The following ANKRD13C variants were observed in gnomAD, a reference collection of about 807,000 sequenced individuals.
ANKRD13C encodes ankyrin repeat domain-containing protein 13C.
ANKRD13C carries 16 observed loss-of-function variants against 65.5 expected under a neutral mutation model. The ratio of observed to expected loss-of-function variants is 0.24; its 90% CI spans 0.17 to 0.37. ANKRD13C has a LOEUF of 0.37. Ranked by LOEUF, ANKRD13C falls within the 10% of genes least tolerant of loss-of-function variation. The probability of loss-of-function intolerance (pLI) is 1.00; values close to 1 mark genes in which losing one functional copy is unlikely to be tolerated. For synonymous variants in ANKRD13C, 235 were observed against 238.7 expected, an observed-to-expected ratio of 0.98 and a Z score of 0.14; for missense variants, 503 against 655.9, an observed-to-expected ratio of 0.77 and a Z score of 2.55.
At chr1:70,287,635 G>A (rs270491) in intron 9 of ANKRD13C, among the ~76,000 whole-genome samples, 27,699 of 152,036 alleles carry the variant, frequency 0.18, 2,932 homozygotes, top group Non-Finnish European at 0.25. Context: ...ACTTTGAGAA[G>A]ATGAAAAGAC....
At chr1:70,294,669 C>A (rs1023954940) in intron 8 of ANKRD13C, among the ~76,000 whole-genome samples, 1 of 151,354 alleles carries the variant, frequency 6.6e-6, no homozygotes, top group Admixed American at 6.6e-5. Flanking sequence ...CACTCTGTCA[C>A]CTGGGCTAGA....
chr1:70,328,379 A>G (rs1681640499), intron 2 of ANKRD13C, among the ~76,000 whole-genome samples: 1 of 152,162 alleles, frequency 6.6e-6, no homozygotes, highest in African/African-American at 2.4e-5. Context: ...AGGAATGAGT[A>G]AGCCTAGGTG....
At chr1:70,271,006 T>A (rs754434817) in intron 11 of ANKRD13C, 50 bp from the exon 12 acceptor site, 2 of 1,197,872 alleles carry the variant, frequency 1.7e-6, no homozygotes, top group Non-Finnish European at 2.4e-6. Flanking sequence ...AATTGCCTTG[T>A]GTCCTTATGC....
intron 1 of ANKRD13C, among the ~76,000 whole-genome samples, chr1:70,346,084 G>A (rs769186329): frequency 5.9e-5 from 9 of 151,538 alleles, no homozygotes; most frequent in East Asian, 3.9e-4. Context: ...CTCCCATCTC[G>A]TCCTCCCAAA....
intron 7 of ANKRD13C, among the ~76,000 whole-genome samples, chr1:70,298,498 C>T (rs1321117590): frequency 6.6e-6 from 1 of 152,060 alleles, no homozygotes; most frequent in Non-Finnish European, 1.5e-5. Context: ...TGTATGTATA[C>T]ATACATACCT....
intron 2 of ANKRD13C, among the ~76,000 whole-genome samples, chr1:70,331,881 T>C (rs938703647): frequency 6.9e-6 from 1 of 145,362 alleles, no homozygotes; most frequent in African/African-American, 2.5e-5. Flanking sequence ...TACTTTCCAC[T>C]ACATATTCTA....
intron 12 of ANKRD13C, among the ~76,000 whole-genome samples, chr1:70,267,478 A>G (rs914357920): frequency 6.6e-6 from 1 of 152,004 alleles, no homozygotes; most frequent in African/African-American, 2.4e-5. Context: ...AGTTTAAGCA[A>G]TTCTCCCACC....
intron 5 of ANKRD13C, 63 bp from the exon 6 acceptor site, chr1:70,306,353 T>C: frequency 9.2e-7 from 1 of 1,084,752 alleles, no homozygotes; most frequent in Non-Finnish European, 1.3e-6. Context: ...TTACAAACTT[T>C]TAAATTAAAA....
chr1:70,274,968 GAT>G, intron 10 of ANKRD13C, 150 bp from the exon 11 acceptor site: 1 of 543,348 alleles, frequency 1.8e-6, no homozygotes, highest in Admixed American at 3.4e-5. Flanking sequence ...AAGGGAATAA[GAT>G]ATGTATAAGA....
intron 3 of ANKRD13C, among the ~76,000 whole-genome samples, chr1:70,318,062 G>C (rs1681145596): frequency 6.6e-6 from 1 of 152,124 alleles, no homozygotes; most frequent in Non-Finnish European, 1.5e-5. Context: ...CATATGCGAA[G>C]AGATTCCCTT....
At chr1:70,272,656 C>T (rs2101125893) in intron 11 of ANKRD13C, among the ~76,000 whole-genome samples, 1 of 151,478 alleles carries the variant, frequency 6.6e-6, no homozygotes, top group African/African-American at 2.4e-5. Context: ...TTAATATTAG[C>T]TGCAGTTTTC....
chr1:70,265,661 C>T (rs564842512), intron 12 of ANKRD13C, among the ~76,000 whole-genome samples: 55 of 150,948 alleles, frequency 3.6e-4, no homozygotes, highest in African/African-American at 1.3e-3. Context: ...CCCATCTGTA[C>T]GACAAATACA....
intron 6 of ANKRD13C, among the ~76,000 whole-genome samples, chr1:70,301,180 T>G (rs3795694): frequency 6.8e-6 from 1 of 146,700 alleles, no homozygotes; most frequent in African/African-American, 2.5e-5. Flanking sequence ...TACACACACA[T>G]ATATATATAT....
intron 10 of ANKRD13C, among the ~76,000 whole-genome samples, chr1:70,276,215 A>G (rs2101142149): frequency 6.6e-6 from 1 of 152,300 alleles, no homozygotes; most frequent in Non-Finnish European, 1.5e-5. Context: ...GTCAATAAAT[A>G]TAAACTGAGT....
At position 70,262,390 on chromosome 1, in the gene ANKRD13C, T is replaced by C. The variant is rs1572003738; in HGVS notation, c.*327A>G. 6.2e-6 allele frequency: 1 copy of C among 162,162 alleles called. No homozygotes were observed. The highest frequency in any genetic ancestry group is 1.4e-5 in the Non-Finnish European group (1 of 73,498). 10.0% of individuals were successfully genotyped at this position (162,162 alleles called of 1,614,324 possible). The stretch of plus-strand genomic sequence containing the variant: ...ATAGATATAGATATATTTATATGCA[T>C]ATATATTTCAACAAGAAGTGTAAAA... On this transcript the variant is annotated 3_prime_UTR_variant, in exon 13 of 13. Transcript: ENST00000370944.
chr1:70,290,073 A>G (rs1262483723), intron 9 of ANKRD13C, among the ~76,000 whole-genome samples: 3 of 152,222 alleles, frequency 2.0e-5, no homozygotes, highest in Non-Finnish European at 4.4e-5. Flanking sequence ...GCTTTATCCC[A>G]AAGTCAGAAG....
Position 70,262,831 on chromosome 1 carries a change from G to A in ANKRD13C, c.1512C>T (p.Pro504=), listed in dbSNP as rs545714875. The part of the protein sequence containing the change: ...FPVKLDIPVF[P]TITATVTFQE... ...GAAAAGTCACAGTGGCTGTGATTGT[G>A]GGAAACACAGGTATATCTACAGAGA... Residue 504 remains proline, a synonymous_variant, in exon 13 of 13, where the codon CCC becomes CCT. Coordinates refer to ENST00000370944, the MANE Select transcript of ANKRD13C (RefSeq NM_030816.5). 8 of 1,611,822 alleles carry A rather than the reference G, an allele frequency of 5.0e-6. No individual in the cohort carries two copies. In the East Asian group the frequency reaches 1.6e-4, roughly 32 times the overall value.
chr1:70,302,009 T>C (rs1399892001), intron 6 of ANKRD13C, among the ~76,000 whole-genome samples: 3 of 152,170 alleles, frequency 2.0e-5, no homozygotes, highest in Non-Finnish European at 4.4e-5. Context: ...AATGCAACTG[T>C]AAGAATTCAT....
rs34241203 is a variant in ANKRD13C, at chr1:70,262,943, T to TAAAAAAAAAAAA, written c.1496-108_1496-97dup. On this transcript the variant is annotated intron_variant, in intron 12 of 12. Transcript: ENST00000370944. ...GGAGATGTCCATACTCCTTAAAATG[T>TAAAAAAAAAAAA]AAAAAAAAAAAAAAAAATACTCAAG... 1.4e-3 allele frequency: 664 copies of TAAAAAAAAAAAA among 460,306 alleles called. 13 individuals carry two copies. Among genetic ancestry groups the TAAAAAAAAAAAA allele is most frequent in the African/African-American group, 7.5e-3 (303 of 40,628 alleles). 28.5% of individuals were successfully genotyped at this position (460,306 alleles called of 1,614,324 possible).
Sources: allele counts gnomAD v4.1 joint callset (sites outside exome capture counted in the v4.1 genomes callset), GRCh38; gene constraint gnomAD v4.1.1; transcripts MANE v1.5; gene names NCBI Gene and HGNC (gene_info 2026-07-23, HGNC 2026-07-21).